The following CUX1 variants were observed in gnomAD, a reference collection of about 807,000 sequenced individuals.
CUX1 encodes the protein cut like homeobox 1, also known as protein CASP.
CUX1 carries 31 observed loss-of-function variants against 158.8 expected under a neutral mutation model. The ratio of observed to expected loss-of-function variants is 0.20; its 90% CI spans 0.15 to 0.26. The LOEUF (loss-of-function observed/expected upper bound fraction) is 0.26. Among genes scored for constraint, CUX1 ranks in the 10% least tolerant of loss-of-function variants. The pLI is 1.00. For synonymous variants in CUX1, 879 were observed against 862.1 expected, an observed-to-expected ratio of 1.02 and a Z score of -0.34; for missense variants, 1,589 against 2,014.6, an observed-to-expected ratio of 0.79 and a Z score of 4.04.
In CUX1 at chr7:102,220,045, G is replaced by C. The variant is rs989706533; in HGVS notation, c.3131-7322G>C. Among the ~76,000 whole-genome samples the C allele has an allele frequency of 7.2e-5, 11 of 152,180 alleles. 1 individual carries two copies. The highest frequency in any genetic ancestry group is 1.5e-5 in the Non-Finnish European group (1 of 68,036). ...TCATGTTTGTGATATGAGCCTGTAT[G>C]ACCAAAATACAGGAGGCCAGGGCCG... On this transcript the variant is annotated intron_variant, in intron 20 of 23. Transcript: ENST00000292535.
Position 101,869,249 on chromosome 7 carries a change from C to A in CUX1, c.31-46866C>A, listed in dbSNP as rs544130162. Among the ~76,000 whole-genome samples, 6 of 152,176 alleles carry A rather than the reference C, an allele frequency of 3.9e-5. No homozygotes were observed. Among genetic ancestry groups the A allele is most frequent in the Admixed American group, 2.0e-4 (3 of 15,294 alleles). On this transcript the variant is annotated intron_variant, in intron 1 of 23. Transcript: ENST00000292535. This position sits in a 1 kb window ranked among gnomAD's most constrained non-coding sequence, Gnocchi z 4.5. ...GGGGCTGTGTCAGAGCCCCGGCTGG[C>A]GAGAGGAGCATCACTGTGTCCAGAG... is the stretch of plus-strand genomic sequence containing the variant.
chr7:102,197,661 G>C (rs560892357), intron 15 of CUX1, among the ~76,000 whole-genome samples: 1 of 152,180 alleles, frequency 6.6e-6, no homozygotes, highest in South Asian at 2.1e-4. Flanking sequence ...CTCACTTTTG[G>C]GAGGAGCCCT....
chr7:101,904,778 A>G (rs1802563887), intron 1 of CUX1, among the ~76,000 whole-genome samples: 1 of 152,054 alleles, frequency 6.6e-6, no homozygotes, highest in South Asian at 2.1e-4. Context: ...CATGTTGGCC[A>G]GGCTGGTCTC....
Position 102,202,222 on chromosome 7 carries a change from G to C in CUX1, c.2907+18G>C. On this transcript the variant is annotated intron_variant, in intron 18 of 23. Coordinates refer to ENST00000292535, the MANE Select transcript of CUX1 (RefSeq NM_181552.4). ...GGGAGAAGGTAAGGGATCTGCTCTG[G>C]GGGCTTTGGTTCTCCCATCTCTTCT... 1 of 1,571,438 alleles carries C rather than the reference G, an allele frequency of 6.4e-7. No homozygotes were observed. Among genetic ancestry groups the C allele is most frequent in the South Asian group, 1.2e-5 (1 of 84,402 alleles).
At chr7:101,944,693 G>A (rs1360038677) in intron 2 of CUX1, among the ~76,000 whole-genome samples, 4 of 152,214 alleles carry the variant, frequency 2.6e-5, no homozygotes, top group Non-Finnish European at 2.9e-5. Flanking sequence ...CTGCTGTGGC[G>A]TGTATGTTCA....
intron 2 of CUX1, among the ~76,000 whole-genome samples, chr7:102,025,465 G>A (rs1196994258): frequency 4.6e-5 from 7 of 151,550 alleles, no homozygotes; most frequent in African/African-American, 1.7e-4. Context: ...CTGTCTCTAC[G>A]AAAAATACAA....
intron 3 of CUX1, among the ~76,000 whole-genome samples, chr7:102,056,372 T>G (rs561712716): frequency 8.2e-4 from 125 of 152,294 alleles, no homozygotes; most frequent in Non-Finnish European, 1.5e-3. Flanking sequence ...CGTTAGGGGA[T>G]AATGCAGCTG....
At chr7:102,282,734 G>T in exon 22 of CUX1, 1 of 1,613,646 alleles carries the variant, frequency 6.2e-7, no homozygotes, top group Non-Finnish European at 8.5e-7. Flanking sequence ...CTGGCATGGA[G>T]CGAGAGCATG....
intron 1 of CUX1, among the ~76,000 whole-genome samples, chr7:101,906,693 A>G (rs541344198): frequency 1.8e-4 from 28 of 152,270 alleles, no homozygotes; most frequent in African/African-American, 5.8e-4. Flanking sequence ...CCTTCTCTGC[A>G]TCAGGCTGAC....
chr7:102,184,523 C>T (rs1019555586), intron 11 of CUX1, among the ~76,000 whole-genome samples: 1 of 152,212 alleles, frequency 6.6e-6, no homozygotes, highest in Admixed American at 6.5e-5. Flanking sequence ...CCCAAACAGG[C>T]TAAGGTTATC....
intron 1 of CUX1, among the ~76,000 whole-genome samples, chr7:101,913,972 T>C (rs922280972): frequency 4.6e-5 from 7 of 152,152 alleles, no homozygotes; most frequent in Admixed American, 1.3e-4. Context: ...AGATTGTTTA[T>C]ATTTTTGAAG....
intron 1 of CUX1, among the ~76,000 whole-genome samples, chr7:101,850,499 G>A (rs1356198963): frequency 2.1e-5 from 3 of 144,892 alleles, no homozygotes; most frequent in Non-Finnish European, 3.0e-5. Context: ...ATCATGGCTC[G>A]CTGCAGCCTT....
rs1190749641 is a variant in CUX1, at chr7:102,158,681, C to T, written c.723+73C>T. 6 of 1,437,462 alleles carry T rather than the reference C, an allele frequency of 4.2e-6. No individual in the cohort carries two copies. The East Asian group carries it at 9.2e-5, about 22-fold the overall frequency. 89.0% of individuals were successfully genotyped at this position (1,437,462 alleles called of 1,614,324 possible). On this transcript the variant is annotated intron_variant, in intron 9 of 23. Coordinates refer to ENST00000292535, the MANE Select transcript of CUX1 (RefSeq NM_181552.4). Reference sequence around the variant, plus strand: ...GTTTCTGGCATCTCGGAAGATGCGTCACCCGAAGTTAGAAGGCCGGTTATC... The same window carrying T: ...GTTTCTGGCATCTCGGAAGATGCGTTACCCGAAGTTAGAAGGCCGGTTATC...
chr7:102,146,442 A>G (rs1194646263), intron 8 of CUX1, among the ~76,000 whole-genome samples: 2 of 152,208 alleles, frequency 1.3e-5, no homozygotes, highest in African/African-American at 4.8e-5. Context: ...TCGGTTCATC[A>G]GCTATACTCG....
At position 102,250,414 on chromosome 7, in the gene CUX1, A is replaced by C; in HGVS notation, c.*1372A>C. 2.0e-6 allele frequency: 2 copies of C among 985,472 alleles called. No individual in the cohort carries two copies. Among genetic ancestry groups the C allele is most frequent in the South Asian group, 4.7e-5 (1 of 21,276 alleles). 61.0% of individuals were successfully genotyped at this position (985,472 alleles called of 1,614,324 possible). On this transcript the variant is annotated 3_prime_UTR_variant, in exon 24 of 24. Transcript: ENST00000292535. ...GATACCTGATGAACTGAGCCCTCCC[A>C]GGGGAAGACACTCCCCAGGCCTGGG...
chr7:102,248,611 C>T lies in CUX1; in HGVS notation c.4087C>T (p.Arg1363Trp), dbSNP rs1279793279. 3.5e-6 allele frequency: 5 copies of T among 1,445,016 alleles called. No homozygotes were observed. The highest frequency in any genetic ancestry group is 3.1e-5 in the East Asian group (1 of 31,924). 89.5% of individuals were successfully genotyped at this position (1,445,016 alleles called of 1,614,324 possible). A position where few individuals can be genotyped will look rare whatever the true frequency, so the allele number is the denominator to read the frequency against. Reference protein sequence around the residue: ...EEPKSQGEAEREEVPRPAEQT... With the variant: ...EEPKSQGEAEWEEVPRPAEQT... ...GCCCAAGTCTCAGGGAGAGGCCGAG[C>T]GGGAGGAGGTGCCGCGGCCGGCGGA... is the stretch of plus-strand genomic sequence containing the variant. The change falls in exon 24 of 24, where the codon CGG becomes TGG. Residue 1363 changes from arginine to tryptophan, a missense_variant. This residue lies in a region of CUX1 where 344 missense variants were observed against 323.7 expected (regional missense o/e 1.06). Transcript: ENST00000292535. This position sits in a 1 kb window ranked among gnomAD's most constrained non-coding sequence, Gnocchi z 5.8.
chr7:102,033,652 A>G (rs1291083954), intron 3 of CUX1, among the ~76,000 whole-genome samples: 1 of 152,240 alleles, frequency 6.6e-6, no homozygotes. Context: ...TAGCTTTGTA[A>G]CTATTACTGA....
At position 102,254,448 on chromosome 7, in the gene CUX1, C is replaced by T. The variant is rs1301978141; in HGVS notation, c.*5406C>T. On this transcript the variant is annotated 3_prime_UTR_variant, in exon 24 of 24. Coordinates refer to ENST00000292535, the MANE Select transcript of CUX1 (RefSeq NM_181552.4). ...ATGGCTTCCTCCAGCCTACACGCCC[C>T]GTCCACAGTGGCATCACCCTCTTAT... 12 of 985,404 alleles carry T rather than the reference C, an allele frequency of 1.2e-5. No individual in the cohort carries two copies. The highest frequency in any genetic ancestry group is 2.3e-4 in the East Asian group (2 of 8,830). 61.0% of individuals were successfully genotyped at this position (985,404 alleles called of 1,614,324 possible).
chr7:102,150,087 T>A (rs540849958), intron 8 of CUX1, among the ~76,000 whole-genome samples: 2 of 152,360 alleles, frequency 1.3e-5, no homozygotes, highest in South Asian at 4.1e-4. Flanking sequence ...ATATTTCTCC[T>A]TTCAATGCCA....
Sources: allele counts gnomAD v4.1 joint callset (sites outside exome capture counted in the v4.1 genomes callset), GRCh38; gene constraint gnomAD v4.1.1; regional missense constraint gnomAD v4.1.1; non-coding constraint Gnocchi (gnomAD v3.1); transcripts MANE v1.5; gene names NCBI Gene and HGNC (gene_info 2026-07-23, HGNC 2026-07-21).